The following ZNF385D variants were observed in gnomAD, a reference collection of about 807,000 sequenced individuals.
ZNF385D encodes zinc finger protein 385D, also known as zinc finger protein 659.
A neutral mutation model predicts 35.8 loss-of-function variants in ZNF385D; 15 were observed. That is an observed-to-expected ratio of 0.42 (90% CI 0.28 to 0.64). The LOEUF (loss-of-function observed/expected upper bound fraction) is 0.64, where lower values mean the gene tolerates loss of function less well. ZNF385D is among the 30% of genes least tolerant of loss of function. The pLI is 0.23. For missense variants in ZNF385D, 474 were observed against 494.6 expected (o/e 0.96, Z 0.39); for synonymous variants, 212 against 186.8 (o/e 1.13, Z -1.10).
At chr3:22,023,675 A>G (rs1435345803) in intron 3 of ZNF385D, among the ~76,000 whole-genome samples, 1 of 152,074 alleles carries the variant, frequency 6.6e-6, no homozygotes, top group East Asian at 1.9e-4. Context: ...TTTTTTATCA[A>G]ACTGATGATT....
intron 3 of ZNF385D, among the ~76,000 whole-genome samples, chr3:22,166,521 T>A (rs1706339435): frequency 6.6e-6 from 1 of 152,148 alleles, no homozygotes; most frequent in Admixed American, 6.5e-5. Context: ...AGCATAGTAT[T>A]AACTGATGTT....
Position 22,097,747 on chromosome 3 carries a change from T to A in ZNF385D, c.325+71070A>T, listed in dbSNP as rs540194421. ...GGAGAAGCAGCAGCAGCAGGCAGAC[T>A]TGACAGAAAGTGTCCCCTGTGACAG... On this transcript the variant is annotated intron_variant, in intron 3 of 5. Coordinates refer to the ZNF385D transcript ENST00000494108. 2.0e-5 allele frequency among the ~76,000 whole-genome samples: 3 copies of A among 152,140 alleles called. No homozygotes were observed. The East Asian group carries it at 5.8e-4, about 29-fold the overall frequency.
At chr3:21,942,672 A>C (rs369914194) in intron 3 of ZNF385D, 10 of 152,216 alleles carry the variant, frequency 6.6e-5, no homozygotes, top group Admixed American at 4.6e-4. Flanking sequence ...ATGGTAAGTC[A>C]GACAGCTGTA....
At chr3:21,642,945 G>A (rs2065649257) in intron 2 of ZNF385D, among the ~76,000 whole-genome samples, 1 of 152,006 alleles carries the variant, frequency 6.6e-6, no homozygotes, top group South Asian at 2.1e-4. Context: ...TCGGGAGAGG[G>A]AGAAATGATG....
chr3:22,182,542 A>G (rs1362970648), intron 2 of ZNF385D, among the ~76,000 whole-genome samples: 2 of 152,016 alleles, frequency 1.3e-5, no homozygotes, highest in Admixed American at 6.6e-5. Context: ...GATTTACCAT[A>G]TAAGAAGAAA....
chr3:21,991,299 A>G (rs141541086), intron 3 of ZNF385D, among the ~76,000 whole-genome samples: 266 of 152,302 alleles, frequency 1.7e-3, no homozygotes, highest in African/African-American at 6.1e-3. Flanking sequence ...TGTAGTTATA[A>G]TAAACTATTC....
chr3:22,094,385 G>GATATATATATAT (rs140274686), intron 3 of ZNF385D, among the ~76,000 whole-genome samples: 11 of 70,806 alleles, frequency 1.6e-4, no homozygotes, highest in Admixed American at 2.6e-4. Flanking sequence ...ATTTATTGTT[G>GATATATATATAT]ATATATATAT....
chr3:22,143,809 C>A (rs2125708090), intron 3 of ZNF385D, among the ~76,000 whole-genome samples: 1 of 152,206 alleles, frequency 6.6e-6, no homozygotes, highest in South Asian at 2.1e-4. Flanking sequence ...TCTTCCAGCC[C>A]AGTAAAACTT....
chr3:21,631,689 T>C (rs2065285182), intron 2 of ZNF385D, among the ~76,000 whole-genome samples: 1 of 152,160 alleles, frequency 6.6e-6, no homozygotes. Flanking sequence ...AAAAGGGATT[T>C]CCAGCTCCTC....
At chr3:21,548,423 CTT>C (rs1559392847) in intron 3 of ZNF385D, among the ~76,000 whole-genome samples, 1 of 152,248 alleles carries the variant, frequency 6.6e-6, no homozygotes, top group East Asian at 1.9e-4. Context: ...CCATGGAAAA[CTT>C]TTAGTTTGTT....
chr3:21,823,567 C>T (rs903464158), intron 3 of ZNF385D, among the ~76,000 whole-genome samples: 15 of 152,192 alleles, frequency 9.9e-5, no homozygotes, highest in African/African-American at 3.6e-4. Context: ...GGGATGAAGT[C>T]AAGCGTTGCT....
At chr3:21,730,606 G>A (rs766886123) in intron 1 of ZNF385D, among the ~76,000 whole-genome samples, 1 of 152,190 alleles carries the variant, frequency 6.6e-6, no homozygotes, top group Non-Finnish European at 1.5e-5. Flanking sequence ...CTAAACCCCT[G>A]ACCCAGGGGC....
intron 2 of ZNF385D, among the ~76,000 whole-genome samples, chr3:22,274,465 A>T (rs1208843806): frequency 1.3e-5 from 2 of 151,976 alleles, no homozygotes; most frequent in African/African-American, 2.4e-5. Context: ...AATGTCCAGT[A>T]TTAGGCTCTG....
At chr3:21,511,172 T>C in intron 3 of ZNF385D, 149 bp from the exon 4 acceptor site, 1 of 916,462 alleles carries the variant, frequency 1.1e-6, no homozygotes, top group Non-Finnish European at 1.6e-6. Flanking sequence ...CTATTTAGAA[T>C]GATGCTAGAA....
chr3:21,989,474 C>A (rs992885012), intron 3 of ZNF385D, among the ~76,000 whole-genome samples: 3 of 152,116 alleles, frequency 2.0e-5, no homozygotes, highest in Non-Finnish European at 4.4e-5. Flanking sequence ...TCGGTTTAGA[C>A]ATGTAAAAGA....
intron 7 of ZNF385D, among the ~76,000 whole-genome samples, chr3:21,422,596 T>A (rs1355386211): frequency 6.6e-6 from 1 of 152,134 alleles, no homozygotes; most frequent in Non-Finnish European, 1.5e-5. Flanking sequence ...CTCAACAAAA[T>A]ACTGGTAAAC....
chr3:21,541,862 G>A (rs1250834918), intron 3 of ZNF385D, among the ~76,000 whole-genome samples: 2 of 152,148 alleles, frequency 1.3e-5, no homozygotes, highest in African/African-American at 2.4e-5. Flanking sequence ...ACTTTAAGAA[G>A]TGTATACAGT....
chr3:21,666,847 G>A (rs2066423035), intron 1 of ZNF385D, among the ~76,000 whole-genome samples: 1 of 152,146 alleles, frequency 6.6e-6, no homozygotes, highest in Admixed American at 6.5e-5. Context: ...GAAGGTCAAG[G>A]CGGATGGATC....
rs534509319 is a variant in ZNF385D at position 21,939,767 on chromosome 3, G to T, written c.325+229050C>A. Among the ~76,000 whole-genome samples, 63 of 152,266 alleles carry T rather than the reference G, an allele frequency of 4.1e-4. 1 individual carries two copies. In the South Asian group the frequency reaches 0.012, roughly 30 times the overall value. On this transcript the variant is annotated intron_variant, in intron 3 of 5. Transcript: ENST00000494108. Reference sequence around the variant, plus strand: ...TGTAGGCTGAAGGTTTTAAGCACTAGATTCGATAGGAGAAAGACTTTGGAA... The same window carrying T: ...TGTAGGCTGAAGGTTTTAAGCACTATATTCGATAGGAGAAAGACTTTGGAA...
Sources: gnomAD v4.1 joint callset for allele counts (sites outside exome capture counted in the v4.1 genomes callset) on GRCh38, gnomAD v4.1.1 for gene constraint, MANE v1.5 for transcripts, NCBI Gene and HGNC (gene_info 2026-07-23, HGNC 2026-07-21) for gene names.